Variants in PRR27 observed in about 807,000 individuals in gnomAD.
PRR27 encodes the protein proline-rich protein 27.
Under a neutral mutation model 16.8 loss-of-function variants are expected in PRR27, and 12 were observed. That is an observed-to-expected ratio of 0.71 (90% confidence interval 0.46 to 1.16). The LOEUF is 1.16. Among genes scored for constraint, PRR27 ranks in the 50% most tolerant of loss-of-function variants. The pLI, the probability that PRR27 is intolerant of heterozygous loss-of-function variation, is 0.00. For synonymous variants in PRR27, 100 were observed against 98.4 expected (o/e 1.02, Z -0.10); for missense variants, 277 against 273.3 (o/e 1.01, Z -0.10).
chr4:70,154,649 T>C (rs1489263512), intron 1 of PRR27: 2 of 887,144 alleles, frequency 2.3e-6, no homozygotes, highest in African/African-American at 1.7e-5. Flanking sequence ...GGAAAGGAGG[T>C]AAGTTCATAA....
At chr4:70,160,081 T>G (rs1055607286) in intron 3 of PRR27, among the ~76,000 whole-genome samples, 1 of 152,144 alleles carries the variant, frequency 6.6e-6, no homozygotes, top group South Asian at 2.1e-4. Flanking sequence ...GGGGTACATA[T>G]GCAGATTTGT....
At chr4:70,161,537 A>C in intron 3 of PRR27, 49 bp from the exon 4 acceptor site, 1 of 1,246,668 alleles carries the variant, frequency 8.0e-7, no homozygotes, top group African/African-American at 1.5e-5. Context: ...CTATGAAATA[A>C]AGTACATTTG....
In PRR27 at chr4:70,165,896, ACTATAC is replaced by A. The variant is rs1728756335; in HGVS notation, c.*3236_*3241del. The A allele has an allele frequency of 6.6e-6, 1 of 152,120 alleles. No homozygotes were observed. Among genetic ancestry groups the A allele is most frequent in the Non-Finnish European group, 1.5e-5 (1 of 67,976 alleles). The allele number at this position is 152,120 out of a possible 1,614,324, so 9.4% of individuals were successfully genotyped here. ...TTCTCCAGTGATTGCCAGATGGCCC[ACTATAC>A]ATCCTTTCTTCTATTTCTTTCTTTT... On this transcript the variant is annotated 3_prime_UTR_variant, in exon 5 of 5. Transcript: ENST00000344526.
At chr4:70,155,937 C>A (rs1578218658) in intron 1 of PRR27, 117 bp from the exon 2 acceptor site, 5 of 638,516 alleles carry the variant, frequency 7.8e-6, no homozygotes, top group African/African-American at 4.0e-5. Context: ...ACTCAAATTT[C>A]AAAAAAATTA....
At position 70,157,223 on chromosome 4, in the gene PRR27, C is replaced by A. The variant is rs1390638228; in HGVS notation, c.76-1105C>A. On this transcript the variant is annotated intron_variant, in intron 2 of 4. Transcript: ENST00000344526. ...ATTAAATGTTAATTAAGAAGCTTGACTGGCTGGGGAATGTAGCATCCCAGA... is the reference window on the plus strand; with the variant it reads ...ATTAAATGTTAATTAAGAAGCTTGAATGGCTGGGGAATGTAGCATCCCAGA... 2.6e-5 allele frequency among the ~76,000 whole-genome samples: 4 copies of A among 152,082 alleles called. No individual in the cohort carries two copies. In the South Asian group the frequency reaches 8.3e-4, roughly 32 times the overall value.
chr4:70,161,587 C>T lies in PRR27; in HGVS notation c.650C>T (p.Ala217Val), dbSNP rs1236468102. 1 of 1,513,538 alleles carries T rather than the reference C, an allele frequency of 6.6e-7. No homozygotes were observed. The highest frequency in any genetic ancestry group is 2.3e-5 in the East Asian group (1 of 43,434). 93.8% of individuals were successfully genotyped at this position (1,513,538 alleles called of 1,614,324 possible). ...EPHPSPSLEQ[A>V]NQ ...GATCTTTTTTTTAATGTTTTCTAGG[C>T]AAATCAGTGAAATTCTCTAGAAGAG... Residue 217 changes from alanine to valine, a missense_variant and splice_region_variant, in exon 4 of 5, where the codon GCA (alanine) becomes GTA (valine). Ala to Val is a moderately conservative substitution (Grantham distance 64). Transcript: ENST00000344526.
intron 3 of PRR27, among the ~76,000 whole-genome samples, chr4:70,160,023 CT>C (rs34039793): frequency 0.41 from 62,136 of 151,402 alleles, 15,326 homozygotes; most frequent in Non-Finnish European, 0.57. Flanking sequence ...AGCATATCCT[CT>C]TTTTAAAAAA....
At chr4:70,155,220 C>T (rs1006964598) in intron 1 of PRR27, among the ~76,000 whole-genome samples, 9 of 152,030 alleles carry the variant, frequency 5.9e-5, no homozygotes, top group African/African-American at 1.9e-4. Context: ...GATGATTTTC[C>T]TGTACTTTTT....
At position 70,161,540 on chromosome 4, in the gene PRR27, T is replaced by C. The variant is rs1349460795; in HGVS notation, c.649-46T>C. 3.2e-6 allele frequency: 4 copies of C among 1,264,972 alleles called. No individual in the cohort carries two copies. In the South Asian group the frequency reaches 4.0e-5, roughly 13 times the overall value. The allele number at this position is 1,264,972 out of a possible 1,614,324, so 78.4% of individuals were successfully genotyped here. A position where few individuals can be genotyped will look rare whatever the true frequency, so the allele number is the denominator to read the frequency against. On this transcript the variant is annotated intron_variant, in intron 3 of 4. Transcript: ENST00000344526. Reference sequence around the variant, plus strand: ...ATAGGCCCAATACTATGAAATAAAGTACATTTGATTGTTTATGAAAAGATC... The same window carrying C: ...ATAGGCCCAATACTATGAAATAAAGCACATTTGATTGTTTATGAAAAGATC...
At chr4:70,161,006 G>T (rs1031851901) in intron 3 of PRR27, among the ~76,000 whole-genome samples, 3 of 151,646 alleles carry the variant, frequency 2.0e-5, no homozygotes, top group African/African-American at 7.3e-5. Flanking sequence ...ATTCACCAAG[G>T]GGTTACATTC....
At chr4:70,159,860 G>T (rs568771928) in intron 3 of PRR27, among the ~76,000 whole-genome samples, 77 of 152,166 alleles carry the variant, frequency 5.1e-4, no homozygotes, top group South Asian at 3.5e-3. Flanking sequence ...GAATTTTGTG[G>T]TTTTTCACTC....
rs887528405 is a variant in PRR27, at chr4:70,164,948, G to A, written c.*2287G>A. On this transcript the variant is annotated 3_prime_UTR_variant, in exon 5 of 5. Transcript: ENST00000344526. The stretch of plus-strand genomic sequence containing the variant: ...CATCTTATCATGAGAAACATTTACA[G>A]TTTTTGCTTTTACTACAAGATACTG... 1 of 152,070 alleles carries A rather than the reference G, an allele frequency of 6.6e-6. No homozygotes were observed. The highest frequency in any genetic ancestry group is 2.4e-5 in the African/African-American group (1 of 41,446). 9.4% of individuals were successfully genotyped at this position (152,070 alleles called of 1,614,324 possible).
At chr4:70,158,107 A>T (rs1728532413) in intron 2 of PRR27, among the ~76,000 whole-genome samples, 1 of 152,206 alleles carries the variant, frequency 6.6e-6, no homozygotes, top group Admixed American at 6.5e-5. Context: ...TTATTTGCTT[A>T]AACACAAAAT....
At chr4:70,162,242 T>A (rs1005169632) in intron 4 of PRR27, among the ~76,000 whole-genome samples, 3 of 152,178 alleles carry the variant, frequency 2.0e-5, no homozygotes, top group Non-Finnish European at 4.4e-5. Flanking sequence ...ACCAGACAGG[T>A]AAATGACAAG....
rs924842482 is a variant in PRR27, at chr4:70,166,487, T to G, written c.*3826T>G. Reference sequence around the variant, plus strand: ...ATAATCTTTTTTAAATGACTACATATGTCGATAAGTTACAAAATCCATATA... The same window carrying G: ...ATAATCTTTTTTAAATGACTACATAGGTCGATAAGTTACAAAATCCATATA... On this transcript the variant is annotated 3_prime_UTR_variant, in exon 5 of 5. Transcript: ENST00000344526. 27 of 152,086 alleles carry G rather than the reference T, an allele frequency of 1.8e-4. No individual in the cohort carries two copies. Among genetic ancestry groups the G allele is most frequent in the African/African-American group, 6.5e-4 (27 of 41,444 alleles). The allele number at this position is 152,086 out of a possible 1,614,324, so 9.4% of individuals were successfully genotyped here. A position where few individuals can be genotyped will look rare whatever the true frequency, so the allele number is the denominator to read the frequency against.
intron 1 of PRR27, 180 bp downstream of exon 1, chr4:70,154,606 A>C: frequency 2.4e-6 from 2 of 823,184 alleles, no homozygotes; most frequent in Middle Eastern, 2.4e-4. Flanking sequence ...CAAAATAATA[A>C]AGTTGTAGTA....
chr4:70,154,499 A>G, intron 1 of PRR27, 73 bp downstream of exon 1: 4 of 1,184,064 alleles, frequency 3.4e-6, no homozygotes, highest in Non-Finnish European at 5.1e-6. Context: ...ATTTGTGCTT[A>G]TGATAAAGTA....
chr4:70,159,868 CTCT>C (rs1003998154), intron 3 of PRR27, among the ~76,000 whole-genome samples: 2 of 152,146 alleles, frequency 1.3e-5, no homozygotes, highest in African/African-American at 4.8e-5. Context: ...TGGTTTTTCA[CTCT>C]GGCTGGTGGG....
At chr4:70,154,612 T>C (rs907001929) in intron 1 of PRR27, 186 bp downstream of exon 1, 10 of 828,832 alleles carry the variant, frequency 1.2e-5, no homozygotes, top group African/African-American at 1.7e-5. Context: ...AATAAAGTTG[T>C]AGTATCTGAA....
Sources: allele counts gnomAD v4.1 joint callset (sites outside exome capture counted in the v4.1 genomes callset), GRCh38; gene constraint gnomAD v4.1.1; transcripts MANE v1.5; gene names NCBI Gene and HGNC (gene_info 2026-07-23, HGNC 2026-07-21).